The following ETV6 variants were observed in gnomAD, a reference collection of about 807,000 sequenced individuals.
ETV6 encodes the protein transcription factor ETV6.
Under a neutral mutation model 51.1 loss-of-function variants are expected in ETV6, and 16 were observed. The ratio of observed to expected loss-of-function variants is 0.31; its 90% CI spans 0.21 to 0.48. ETV6 has a LOEUF of 0.48. ETV6 is among the 20% of genes least tolerant of loss of function. The pLI is 0.99. For synonymous variants in ETV6, 240 were observed against 224.1 expected (o/e 1.07, Z -0.64); for missense variants, 458 against 594.8 (o/e 0.77, Z 2.39).
At chr12:11,771,143 A>C (rs1480339890) in intron 2 of ETV6, among the ~76,000 whole-genome samples, 1 of 152,250 alleles carries the variant, frequency 6.6e-6, no homozygotes, top group Admixed American at 6.5e-5. Context: ...CACATTTTAC[A>C]GCTTACCGTG....
At chr12:11,657,219 TGA>T (rs1864015668) in intron 1 of ETV6, among the ~76,000 whole-genome samples, 1 of 152,164 alleles carries the variant, frequency 6.6e-6, no homozygotes, top group Admixed American at 6.5e-5. Flanking sequence ...ATGAGGAAAC[TGA>T]GTCTTGTGGC....
chr12:11,697,295 G>C (rs1448187901), intron 1 of ETV6, among the ~76,000 whole-genome samples: 1 of 152,186 alleles, frequency 6.6e-6, no homozygotes, highest in Non-Finnish European at 1.5e-5. Flanking sequence ...ATTCGTGGTT[G>C]TAACTTCACA....
rs761925697 is a variant in ETV6, at chr12:11,749,288, T to TACACACACACACACACAC, written c.34-3117_34-3100dup. Among the ~76,000 whole-genome samples the TACACACACACACACACAC allele has an allele frequency of 2.5e-4, 31 of 122,936 alleles. 1 individual carries two copies. Among genetic ancestry groups the TACACACACACACACACAC allele is most frequent in the African/African-American group, 6.1e-4 (19 of 31,082 alleles). 80.7% of individuals were successfully genotyped at this position (122,936 alleles called of 152,430 possible). On this transcript the variant is annotated intron_variant, in intron 1 of 7. Transcript: ENST00000396373. ...CTTGGGAAAATCGTTATCCCCCCCA[T>TACACACACACACACACAC]ACACACACACACACACACACACACA... is the stretch of plus-strand genomic sequence containing the variant.
intron 5 of ETV6, among the ~76,000 whole-genome samples, chr12:11,884,097 G>T (rs186328330): frequency 5.3e-5 from 8 of 152,204 alleles, no homozygotes; most frequent in African/African-American, 1.9e-4. Context: ...CACACATTCA[G>T]AGCCCATTGA....
intron 2 of ETV6, among the ~76,000 whole-genome samples, chr12:11,798,566 T>G (rs761625167): frequency 6.6e-6 from 1 of 152,164 alleles, no homozygotes; most frequent in Non-Finnish European, 1.5e-5. Context: ...GTGGGAGAGA[T>G]TGAAATGATT....
chr12:11,888,398 C>CTTTTCTTTTT (rs753710183), intron 7 of ETV6, among the ~76,000 whole-genome samples: 8 of 80,694 alleles, frequency 9.9e-5, no homozygotes, highest in Non-Finnish European at 2.0e-4. Flanking sequence ...CTTTTCTTTT[C>CTTTTCTTTTT]TTTTTTTTTT....
intron 1 of ETV6, among the ~76,000 whole-genome samples, chr12:11,680,880 C>T (rs977074728): frequency 2.0e-5 from 3 of 152,156 alleles, no homozygotes; most frequent in Admixed American, 2.0e-4. Flanking sequence ...CATTTAAGGG[C>T]ATTTACTTCT....
intron 1 of ETV6, among the ~76,000 whole-genome samples, chr12:11,687,493 T>A (rs1348041001): frequency 6.6e-6 from 1 of 152,160 alleles, no homozygotes; most frequent in East Asian, 1.9e-4. Flanking sequence ...ACCCCCTTTT[T>A]TTCTTAATAA....
At chr12:11,692,492 G>T (rs984625348) in intron 1 of ETV6, among the ~76,000 whole-genome samples, 1 of 152,132 alleles carries the variant, frequency 6.6e-6, no homozygotes, top group African/African-American at 2.4e-5. Flanking sequence ...AGTGCTTGGA[G>T]CAACTGTTTC....
In ETV6 at chr12:11,846,121, G is replaced by A. The variant is rs188535786; in HGVS notation, c.328+6817G>A. 3.6e-3 allele frequency among the ~76,000 whole-genome samples: 551 copies of A among 151,964 alleles called. 14 individuals are homozygous for A. Among genetic ancestry groups the A allele is most frequent in the Admixed American group, 0.033 (499 of 15,254 alleles). ...AATTTATTATGTAACTTAAGGGACC[G>A]AAGCTTAGGGCTTCATCCTGAACCC... On this transcript the variant is annotated intron_variant, in intron 3 of 7. Transcript: ENST00000396373.
intron 1 of ETV6, among the ~76,000 whole-genome samples, chr12:11,716,330 CAAAAAAAAAAAAAAAAA>C (rs3049068): frequency 6.9e-5 from 4 of 58,094 alleles, no homozygotes; most frequent in African/African-American, 1.9e-4. Context: ...GACTCCTTCT[CAAAAAAAAAAAAAAAAA>C]AAAAAAAAAA....
chr12:11,892,760 T>TTGAG lies in ETV6; in HGVS notation c.*1716_*1719dup, dbSNP rs987779599. ...GGGCTTCTCCCCAGCTTTTTCTGAG[T>TTGAG]TGAGTCAGACATGTAGAGTTTGGGT... On this transcript the variant is annotated 3_prime_UTR_variant, in exon 8 of 8. Transcript: ENST00000396373. 61 of 232,960 alleles carry TTGAG rather than the reference T, an allele frequency of 2.6e-4. No homozygotes were observed. In the East Asian group the frequency reaches 3.0e-3, roughly 11 times the overall value. The allele number at this position is 232,960 out of a possible 1,614,324, so 14.4% of individuals were successfully genotyped here.
chr12:11,802,069 C>T (rs2136404102), intron 2 of ETV6, among the ~76,000 whole-genome samples: 1 of 152,290 alleles, frequency 6.6e-6, no homozygotes, highest in Admixed American at 6.5e-5. Context: ...CAGGAAATTT[C>T]CTGTGATGGA....
intron 4 of ETV6, among the ~76,000 whole-genome samples, chr12:11,855,161 C>T (rs1413688708): frequency 6.8e-6 from 1 of 147,036 alleles, no homozygotes; most frequent in Non-Finnish European, 1.5e-5. Flanking sequence ...AAAAAATTAG[C>T]CGGGCATGGT....
chr12:11,882,773 A>G (rs1477117618), intron 5 of ETV6, among the ~76,000 whole-genome samples: 1 of 152,004 alleles, frequency 6.6e-6, no homozygotes, highest in Non-Finnish European at 1.5e-5. Flanking sequence ...TTCCCCTTGT[A>G]AATATACCCC....
At chr12:11,778,026 T>C (rs1258500494) in intron 2 of ETV6, among the ~76,000 whole-genome samples, 1 of 152,204 alleles carries the variant, frequency 6.6e-6, no homozygotes, top group Non-Finnish European at 1.5e-5. Flanking sequence ...TAAGCATTTA[T>C]GAATGGGTGG....
intron 4 of ETV6, among the ~76,000 whole-genome samples, chr12:11,866,410 T>C (rs573111707): frequency 1.3e-5 from 2 of 152,346 alleles, no homozygotes; most frequent in South Asian, 4.1e-4. Context: ...GTATTTCTTC[T>C]CATATCTAGA....
At chr12:11,862,772 G>T (rs2283339) in intron 4 of ETV6, among the ~76,000 whole-genome samples, 33,818 of 152,056 alleles carry the variant, frequency 0.22, 3,846 homozygotes, top group Admixed American at 0.3. Context: ...GGTACTAGGG[G>T]TTAGGACTTC....
chr12:11,703,997 G>T (rs949858930), intron 1 of ETV6, among the ~76,000 whole-genome samples: 4 of 152,234 alleles, frequency 2.6e-5, no homozygotes, highest in African/African-American at 9.6e-5. Context: ...AAGTTATCTA[G>T]TGGAGACGAT....
Sources: gnomAD v4.1 joint callset for allele counts (sites outside exome capture counted in the v4.1 genomes callset) on GRCh38, gnomAD v4.1.1 for gene constraint, MANE v1.5 for transcripts, NCBI Gene and HGNC (gene_info 2026-07-23, HGNC 2026-07-21) for gene names.